The following TEAD1 variants were observed in gnomAD, a reference collection of about 807,000 sequenced individuals.
The protein encoded by TEAD1 is transcriptional enhancer factor TEF-1.
Under a neutral mutation model 54.9 loss-of-function variants are expected in TEAD1, and 9 were observed. The ratio of observed to expected loss-of-function variants is 0.16; its 90% confidence interval spans 0.10 to 0.29. The LOEUF is 0.29. Among genes scored for constraint, TEAD1 ranks in the 10% least tolerant of loss-of-function variants. The pLI is 1.00. For missense variants in TEAD1, 387 were observed against 535.9 expected, an observed-to-expected ratio of 0.72 and a Z score of 2.74; for synonymous variants, 200 against 187.8, an observed-to-expected ratio of 1.07 and a Z score of -0.53.
intron 2 of TEAD1, among the ~76,000 whole-genome samples, chr11:12,710,548 G>GT (rs1208326990): frequency 6.6e-6 from 1 of 152,124 alleles, no homozygotes; most frequent in Non-Finnish European, 1.5e-5. Flanking sequence ...AGTGAGAATA[G>GT]AGTGGTGCTG....
At chr11:12,885,795 CT>C (rs1008103332) in intron 9 of TEAD1, among the ~76,000 whole-genome samples, 11 of 152,188 alleles carry the variant, frequency 7.2e-5, no homozygotes, top group African/African-American at 2.7e-4. Context: ...TCGATTGCCT[CT>C]TTTTGTTGTT....
intron 2 of TEAD1, among the ~76,000 whole-genome samples, chr11:12,729,929 G>A (rs773224270): frequency 6.6e-6 from 1 of 152,184 alleles, no homozygotes; most frequent in African/African-American, 2.4e-5. Context: ...CCATCCACAC[G>A]CTGCAGATTC....
chr11:12,716,350 A>C (rs1322747753), intron 2 of TEAD1, among the ~76,000 whole-genome samples: 1 of 152,110 alleles, frequency 6.6e-6, no homozygotes, highest in African/African-American at 2.4e-5. Flanking sequence ...GGGTTCCTGC[A>C]GCCCTTGGAG....
rs1949143650 is a variant in TEAD1, at chr11:12,939,904, T to C, written c.*2682T>C. The C allele has an allele frequency of 2.0e-5, 3 of 152,208 alleles. No individual in the cohort carries two copies. The highest frequency in any genetic ancestry group is 2.0e-4 in the Admixed American group (3 of 15,286). The allele number at this position is 152,208 out of a possible 1,614,324, so 9.4% of individuals were successfully genotyped here. A position where few individuals can be genotyped will look rare whatever the true frequency, so the allele number is the denominator to read the frequency against. ...ACATCTAATCTGAGTCTGTCTTTTG[T>C]CCTTCATTCTGTATGGCAGTCTCCC... On this transcript the variant is annotated 3_prime_UTR_variant, in exon 13 of 13. Coordinates refer to ENST00000527636, the MANE Select transcript of TEAD1 (RefSeq NM_021961.6).
At chr11:12,778,711 C>T (rs1008488432) in intron 3 of TEAD1, among the ~76,000 whole-genome samples, 4 of 152,080 alleles carry the variant, frequency 2.6e-5, no homozygotes, top group Non-Finnish European at 5.9e-5. Context: ...AAAATTCCAT[C>T]TTGTGCCTCT....
At chr11:12,746,482 A>G (rs1346571115) in intron 2 of TEAD1, among the ~76,000 whole-genome samples, 2 of 152,226 alleles carry the variant, frequency 1.3e-5, no homozygotes, top group Non-Finnish European at 2.9e-5. Context: ...ATATTTTTAA[A>G]AGCATATTTA....
chr11:12,819,585 A>G (rs1160460685), intron 3 of TEAD1, among the ~76,000 whole-genome samples: 1 of 152,084 alleles, frequency 6.6e-6, no homozygotes, highest in Non-Finnish European at 1.5e-5. Flanking sequence ...AGTAGCTGGG[A>G]CTACAGGCGC....
chr11:12,747,298 G>A (rs184611108), intron 2 of TEAD1, among the ~76,000 whole-genome samples: 4 of 152,060 alleles, frequency 2.6e-5, no homozygotes, highest in Non-Finnish European at 4.4e-5. Context: ...GGATATATTA[G>A]CAGTAATTAT....
intron 2 of TEAD1, among the ~76,000 whole-genome samples, chr11:12,704,271 ACT>A (rs567486361): frequency 1.0e-3 from 156 of 152,314 alleles, no homozygotes; most frequent in Admixed American, 1.6e-3. Flanking sequence ...CGGAGGGGCC[ACT>A]GTTTTCCTTC....
Position 12,761,845 on chromosome 11 carries a change from G to A in TEAD1, c.-54-2334G>A, listed in dbSNP as rs550741195. Among the ~76,000 whole-genome samples, 12 of 152,298 alleles carry A rather than the reference G, an allele frequency of 7.9e-5. No individual in the cohort carries two copies. In the East Asian group the frequency reaches 1.7e-3, roughly 22 times the overall value. On this transcript the variant is annotated intron_variant, in intron 2 of 12. Coordinates refer to ENST00000527636, the MANE Select transcript of TEAD1 (RefSeq NM_021961.6). ...GCATTTCAACATGTCAGTATGAAGC[G>A]GGGTAGTACTGAGAAGGTAATGAGT... is the stretch of plus-strand genomic sequence containing the variant.
chr11:12,933,904 G>A (rs563506522), intron 12 of TEAD1, among the ~76,000 whole-genome samples: 1 of 152,200 alleles, frequency 6.6e-6, no homozygotes, highest in Non-Finnish European at 1.5e-5. Flanking sequence ...TGGAGAGGAT[G>A]TGGAGAAATA....
intron 11 of TEAD1, among the ~76,000 whole-genome samples, chr11:12,926,607 A>C (rs1948906978): frequency 1.3e-5 from 2 of 152,162 alleles, no homozygotes. Context: ...ACAGGTAAAG[A>C]CTGGAAATAT....
intron 2 of TEAD1, among the ~76,000 whole-genome samples, chr11:12,714,957 T>G (rs1242542381): frequency 6.6e-6 from 1 of 152,108 alleles, no homozygotes; most frequent in African/African-American, 2.4e-5. Flanking sequence ...GTACTTGGGA[T>G]TAGGGGTTCA....
intron 2 of TEAD1, among the ~76,000 whole-genome samples, chr11:12,747,320 A>G (rs922479413): frequency 6.6e-6 from 1 of 151,842 alleles, no homozygotes; most frequent in African/African-American, 2.4e-5. Context: ...ATTATTTTTT[A>G]ATTTTTAAAA....
At chr11:12,717,957 G>A (rs1293284641) in intron 2 of TEAD1, among the ~76,000 whole-genome samples, 1 of 152,198 alleles carries the variant, frequency 6.6e-6, no homozygotes, top group Non-Finnish European at 1.5e-5. Flanking sequence ...ATGAGTTAAC[G>A]GATATGAAGG....
chr11:12,814,155 C>G lies in TEAD1; in HGVS notation c.203-48095C>G, dbSNP rs566454617. Among the ~76,000 whole-genome samples, 5 of 152,272 alleles carry G rather than the reference C, an allele frequency of 3.3e-5. No homozygotes were observed. The South Asian group carries it at 1.0e-3, about 32-fold the overall frequency. On this transcript the variant is annotated intron_variant, in intron 3 of 12. Coordinates refer to ENST00000527636, the MANE Select transcript of TEAD1 (RefSeq NM_021961.6). ...TGGGGAGGAATGGAGAGTGGTCTCA[C>G]TGACAGTGGATGTCATTGTTTGCTC...
chr11:12,808,294 C>T (rs544288210), intron 3 of TEAD1, among the ~76,000 whole-genome samples: 2 of 152,134 alleles, frequency 1.3e-5, no homozygotes, highest in South Asian at 2.1e-4. Flanking sequence ...TGGGATGGGA[C>T]GTGGAACAGG....
At chr11:12,789,506 G>T (rs1945750712) in intron 3 of TEAD1, among the ~76,000 whole-genome samples, 1 of 152,236 alleles carries the variant, frequency 6.6e-6, no homozygotes, top group African/African-American at 2.4e-5. Context: ...TTTTGAGTGT[G>T]CAAGCCAGCA....
chr11:12,838,311 G>A (rs1024611968), intron 3 of TEAD1, among the ~76,000 whole-genome samples: 2 of 152,148 alleles, frequency 1.3e-5, no homozygotes, highest in African/African-American at 4.8e-5. Flanking sequence ...GCTTAATGTG[G>A]ACGATGCTAC....
Sources: gnomAD v4.1 joint callset for allele counts (sites outside exome capture counted in the v4.1 genomes callset) on GRCh38, gnomAD v4.1.1 for gene constraint, MANE v1.5 for transcripts, NCBI Gene and HGNC (gene_info 2026-07-23, HGNC 2026-07-21) for gene names.